Variants in MMAB observed in about 807,000 individuals in gnomAD.
The protein encoded by MMAB is corrinoid adenosyltransferase MMAB.
In MMAB, 17 loss-of-function variants were observed where a neutral mutation model predicts 30.6. That is an observed-to-expected ratio of 0.56 (90% CI 0.38 to 0.83). The LOEUF is 0.83. Among genes scored for constraint, MMAB ranks in the 40% least tolerant of loss-of-function variants. The pLI is 0.00. For synonymous variants in MMAB, 134 were observed against 138.6 expected (o/e 0.97, Z 0.23); for missense variants, 311 against 331.6 (o/e 0.94, Z 0.48).
Position 109,556,424 on chromosome 12 carries a change from T to C in MMAB, c.*604A>G. Reference sequence around the variant, plus strand: ...CACACACTTCAATCTAAGCCAGGAGTTTCTGAGCCTCGCCTGTCAATCTGC... The same window carrying C: ...CACACACTTCAATCTAAGCCAGGAGCTTCTGAGCCTCGCCTGTCAATCTGC... On this transcript the variant is annotated 3_prime_UTR_variant, in exon 9 of 9. Transcript: ENST00000545712. 2.2e-6 allele frequency: 1 copy of C among 453,780 alleles called. No individual in the cohort carries two copies. The highest frequency in any genetic ancestry group is 4.4e-6 in the Non-Finnish European group (1 of 226,758). 28.1% of individuals were successfully genotyped at this position (453,780 alleles called of 1,614,324 possible).
chr12:109,555,593 C>T lies in MMAB; in HGVS notation c.*1435G>A, dbSNP rs933179253. On this transcript the variant is annotated 3_prime_UTR_variant, in exon 9 of 9. Coordinates refer to ENST00000545712, the MANE Select transcript of MMAB (RefSeq NM_052845.4). ...GCTCTGTTTTGCAAACACTGAGCAC[C>T]GACTCCGTACCAGACCTGGTAGTGA... 1.8e-5 allele frequency: 8 copies of T among 451,492 alleles called. No individual in the cohort carries two copies. The highest frequency in any genetic ancestry group is 1.0e-4 in the African/African-American group (5 of 49,698). 28.0% of individuals were successfully genotyped at this position (451,492 alleles called of 1,614,324 possible).
chr12:109,573,176 T>A, intron 1 of MMAB, 171 bp downstream of exon 1: 1 of 792,864 alleles, frequency 1.3e-6, no homozygotes. Flanking sequence ...AGGCAAAGAC[T>A]ACCTGGTCTC....
chr12:109,563,911 A>G lies in MMAB; in HGVS notation c.348+1208T>C, dbSNP rs373765144. 2.6e-5 allele frequency among the ~76,000 whole-genome samples: 4 copies of G among 152,258 alleles called. No individual in the cohort carries two copies. The East Asian group carries it at 7.7e-4, about 29-fold the overall frequency. ...TCCATGTGGAGGTGGAAAGTGCGGC[A>G]CCCTGGGCATTCTGGGGTGGTGACC... On this transcript the variant is annotated intron_variant, in intron 4 of 8. Coordinates refer to ENST00000545712, the MANE Select transcript of MMAB (RefSeq NM_052845.4).
In MMAB at chr12:109,555,275, G is replaced by GTTTTGTTTT. The variant is rs1883924885; in HGVS notation, c.*1752_*1753insAAAACAAAA. ...GAGCCTTAGTGATTGCGTTTTCAGG[G>GTTTTGTTTT]TTTTTTTTTTTTTTTTTTTTTTTTT... On this transcript the variant is annotated 3_prime_UTR_variant, in exon 9 of 9. Transcript: ENST00000545712. The GTTTTGTTTT allele has an allele frequency of 5.8e-6, 2 of 343,846 alleles. No individual in the cohort carries two copies. The highest frequency in any genetic ancestry group is 7.4e-5 in the African/African-American group (2 of 26,884). 21.3% of individuals were successfully genotyped at this position (343,846 alleles called of 1,614,324 possible).
rs1193447094 is a variant in MMAB, at chr12:109,569,134, C to A, written c.197-271G>T. Among the ~76,000 whole-genome samples, 1 of 151,918 alleles carries A rather than the reference C, an allele frequency of 6.6e-6. No individual in the cohort carries two copies. Among genetic ancestry groups the A allele is most frequent in the Non-Finnish European group, 1.5e-5 (1 of 68,006 alleles). ...CTAATTTTTGTATTTTTAGTAGAGACGGGTTTTCGCCCATGTTGGCCGAGC... is the reference window on the plus strand; with the variant it reads ...CTAATTTTTGTATTTTTAGTAGAGAAGGGTTTTCGCCCATGTTGGCCGAGC... On this transcript the variant is annotated intron_variant, in intron 2 of 8. Transcript: ENST00000545712. The surrounding 1 kb of genome is among the most constrained non-coding windows in gnomAD (Gnocchi z 4.1).
At chr12:109,560,988 CTTG>C in intron 7 of MMAB, 49 bp downstream of exon 7, 6 of 1,156,680 alleles carry the variant, frequency 5.2e-6, no homozygotes, top group South Asian at 2.5e-5. Context: ...CCCCCTCCCC[CTTG>C]TTCCTCTCCC....
In MMAB at chr12:109,567,257, T is replaced by A; in HGVS notation, c.290+1513A>T. ...GTCCTCAGGGTGAAACATGGAATCA[T>A]CTCATTTAAGCCCCACAAGAACAGT... is the stretch of plus-strand genomic sequence containing the variant. On this transcript the variant is annotated intron_variant, in intron 3 of 8. Transcript: ENST00000545712. The A allele has an allele frequency of 1.4e-5, 5 of 349,964 alleles. 1 individual carries two copies. The highest frequency in any genetic ancestry group is 1.1e-4 in the South Asian group (5 of 44,672). 21.7% of individuals were successfully genotyped at this position (349,964 alleles called of 1,614,324 possible). A position where few individuals can be genotyped will look rare whatever the true frequency, so the allele number is the denominator to read the frequency against.
rs1555273700 is a variant in MMAB at position 109,555,286 on chromosome 12, T to TG, written c.*1741_*1742insC. 1.0e-4 allele frequency: 36 copies of TG among 354,498 alleles called. No individual in the cohort carries two copies. Among genetic ancestry groups the TG allele is most frequent in the Admixed American group, 4.6e-4 (15 of 32,302 alleles). The allele number at this position is 354,498 out of a possible 1,614,324, so 22.0% of individuals were successfully genotyped here. On this transcript the variant is annotated 3_prime_UTR_variant, in exon 9 of 9. Coordinates refer to ENST00000545712, the MANE Select transcript of MMAB (RefSeq NM_052845.4). ...ATTGCGTTTTCAGGGTTTTTTTTTT[T>TG]TTTTTTTTTTTTTTGTGACGGAGTC...
rs1883893111 is a variant in MMAB, at chr12:109,554,446, C to T, written c.*2582G>A. On this transcript the variant is annotated 3_prime_UTR_variant, in exon 9 of 9. Coordinates refer to ENST00000545712, the MANE Select transcript of MMAB (RefSeq NM_052845.4). Reference sequence around the variant, plus strand: ...CAAAATGTAAGGAAGTGCCCACAAACTCAGGGATCGAGTAGTATTTGTGTG... The same window carrying T: ...CAAAATGTAAGGAAGTGCCCACAAATTCAGGGATCGAGTAGTATTTGTGTG... The T allele has an allele frequency of 2.2e-6, 1 of 453,968 alleles. No individual in the cohort carries two copies. The allele number at this position is 453,968 out of a possible 1,614,324, so 28.1% of individuals were successfully genotyped here. A position where few individuals can be genotyped will look rare whatever the true frequency, so the allele number is the denominator to read the frequency against.
At chr12:109,571,078 C>G (rs1884613808) in intron 2 of MMAB, among the ~76,000 whole-genome samples, 1 of 152,128 alleles carries the variant, frequency 6.6e-6, no homozygotes, top group Non-Finnish European at 1.5e-5. Flanking sequence ...AGAACAGTCC[C>G]AGGTGTAACC....
rs760631624 is a variant in MMAB at position 109,565,191 on chromosome 12, GA to G, written c.291-16del. ...CCAGAGCAAACCTATGAAGAAAAAG[GA>G]AAAAGAATTTGCCTGTAATGTAATG... On this transcript the variant is annotated splice_polypyrimidine_tract_variant and intron_variant, in intron 3 of 8. Transcript: ENST00000545712. 16 of 1,611,040 alleles carry G rather than the reference GA, an allele frequency of 9.9e-6. No homozygotes were observed. The highest frequency in any genetic ancestry group is 3.3e-5 in the Admixed American group (2 of 59,990).
At position 109,556,843 on chromosome 12, in the gene MMAB, C is replaced by G; in HGVS notation, c.*185G>C. On this transcript the variant is annotated 3_prime_UTR_variant, in exon 9 of 9. Transcript: ENST00000545712. ...GGGGAAGCAGGGTCAGGGACAGAAT[C>G]CCCAAAGGGTCACAGTCCCTTGAGG... is the stretch of plus-strand genomic sequence containing the variant. 1 of 681,706 alleles carries G rather than the reference C, an allele frequency of 1.5e-6. No individual in the cohort carries two copies. The allele number at this position is 681,706 out of a possible 1,614,324, so 42.2% of individuals were successfully genotyped here.
rs941619866 is a variant in MMAB, at chr12:109,554,632, C to T, written c.*2396G>A. The T allele has an allele frequency of 2.6e-5, 12 of 453,958 alleles. No homozygotes were observed. Among genetic ancestry groups the T allele is most frequent in the Non-Finnish European group, 4.4e-5 (10 of 226,800 alleles). The allele number at this position is 453,958 out of a possible 1,614,324, so 28.1% of individuals were successfully genotyped here. On this transcript the variant is annotated 3_prime_UTR_variant, in exon 9 of 9. Transcript: ENST00000545712. ...CAGTGGTGTGCAAACACTGGGGCAG[C>T]GGGGGCTTCGCAGTCACATTTCCTG...
intron 3 of MMAB, among the ~76,000 whole-genome samples, chr12:109,565,581 C>T (rs946335402): frequency 6.6e-6 from 1 of 152,194 alleles, no homozygotes; most frequent in Non-Finnish European, 1.5e-5. Flanking sequence ...GACCCAGGTG[C>T]AAATTCTGCA....
In MMAB at chr12:109,561,676, G is replaced by T; in HGVS notation, c.421+104C>A. ...CCAGGAGCTACGAGCAAGGCTAACT[G>T]ACCCACCCGTGGGTCCCTGGGGGCC... is the stretch of plus-strand genomic sequence containing the variant. On this transcript the variant is annotated intron_variant, in intron 5 of 8. Coordinates refer to ENST00000545712, the MANE Select transcript of MMAB (RefSeq NM_052845.4). The surrounding 1 kb of genome is among the most constrained non-coding windows in gnomAD (Gnocchi z 5.3). The T allele has an allele frequency of 2.4e-6, 3 of 1,268,978 alleles. No individual in the cohort carries two copies. The highest frequency in any genetic ancestry group is 1.3e-5 in the South Asian group (1 of 78,054). The allele number at this position is 1,268,978 out of a possible 1,614,324, so 78.6% of individuals were successfully genotyped here. A position where few individuals can be genotyped will look rare whatever the true frequency, so the allele number is the denominator to read the frequency against.
rs1285023751 is a variant in MMAB, at chr12:109,554,933, T to C, written c.*2095A>G. 4 of 454,030 alleles carry C rather than the reference T, an allele frequency of 8.8e-6. No homozygotes were observed. Among genetic ancestry groups the C allele is most frequent in the Non-Finnish European group, 1.8e-5 (4 of 226,816 alleles). 28.1% of individuals were successfully genotyped at this position (454,030 alleles called of 1,614,324 possible). ...GGTGGTTTCTCAGAGAAGTGTTTGC[T>C]GGTGAACCGGGAGACAGATACAGAG... On this transcript the variant is annotated 3_prime_UTR_variant, in exon 9 of 9. Coordinates refer to ENST00000545712, the MANE Select transcript of MMAB (RefSeq NM_052845.4).
Position 109,561,259 on chromosome 12 carries a change from G to T in MMAB, c.520-155C>A. On this transcript the variant is annotated intron_variant, in intron 6 of 8. Transcript: ENST00000545712. This position sits in a 1 kb window ranked among gnomAD's most constrained non-coding sequence, Gnocchi z 5.3. ...CACACCCACCGGGCACGCTGCTCCA[G>T]AGTGGGCAGGGCTGGGAGGGACCGG... The T allele has an allele frequency of 6.3e-7, 1 of 1,587,632 alleles. No individual in the cohort carries two copies. The highest frequency in any genetic ancestry group is 1.1e-5 in the South Asian group (1 of 89,532).
rs768989144 is a variant in MMAB at position 109,553,746 on chromosome 12, CA to C, written c.*3281del. On this transcript the variant is annotated 3_prime_UTR_variant, in exon 9 of 9. Coordinates refer to ENST00000545712, the MANE Select transcript of MMAB (RefSeq NM_052845.4). The stretch of plus-strand genomic sequence containing the variant: ...TAGCATTCATGCGGAATTTATTATA[CA>C]AAGAATTTTATTCAATTAAACTTGA... 21 of 413,488 alleles carry C rather than the reference CA, an allele frequency of 5.1e-5. No individual in the cohort carries two copies. The highest frequency in any genetic ancestry group is 9.7e-5 in the Non-Finnish European group (20 of 205,270). 25.6% of individuals were successfully genotyped at this position (413,488 alleles called of 1,614,324 possible).
At position 109,554,112 on chromosome 12, in the gene MMAB, C is replaced by G; in HGVS notation, c.*2916G>C. ...GCGGCAGTGGGTGGGAGCTGAGGAGCACGGGGCTGTGAGTGACGAGGCCGC... is the reference window on the plus strand; with the variant it reads ...GCGGCAGTGGGTGGGAGCTGAGGAGGACGGGGCTGTGAGTGACGAGGCCGC... On this transcript the variant is annotated 3_prime_UTR_variant, in exon 9 of 9. Transcript: ENST00000545712. 1 of 454,074 alleles carries G rather than the reference C, an allele frequency of 2.2e-6. No individual in the cohort carries two copies. Among genetic ancestry groups the G allele is most frequent in the South Asian group, 1.6e-5 (1 of 64,474 alleles). 28.1% of individuals were successfully genotyped at this position (454,074 alleles called of 1,614,324 possible). A position where few individuals can be genotyped will look rare whatever the true frequency, so the allele number is the denominator to read the frequency against.
Sources: allele counts gnomAD v4.1 joint callset (sites outside exome capture counted in the v4.1 genomes callset), GRCh38; gene constraint gnomAD v4.1.1; non-coding constraint Gnocchi (gnomAD v3.1); transcripts MANE v1.5; gene names NCBI Gene and HGNC (gene_info 2026-07-23, HGNC 2026-07-21).